The following CACNB2 variants were observed in gnomAD, a reference collection of about 807,000 sequenced individuals.
CACNB2 encodes voltage-dependent L-type calcium channel subunit beta-2.
A neutral mutation model predicts 73.3 loss-of-function variants in CACNB2; 42 were observed. The ratio of observed to expected loss-of-function variants is 0.57; its 90% CI spans 0.45 to 0.74. CACNB2 has a LOEUF of 0.74. Ranked by LOEUF, CACNB2 falls within the 30% of genes least tolerant of loss-of-function variation. The pLI is 0.00. For missense variants in CACNB2, 940 were observed against 853.0 expected (o/e 1.10, Z -1.27); for synonymous variants, 348 against 310.3 (o/e 1.12, Z -1.28).
At chr10:18,492,629 A>AG (rs1554830124) in intron 3 of CACNB2, among the ~76,000 whole-genome samples, 1 of 146,914 alleles carries the variant, frequency 6.8e-6, no homozygotes, top group African/African-American at 2.7e-5. Flanking sequence ...TCAAAAAAAA[A>AG]AAAAAAAAAG....
At chr10:18,422,794 G>A (rs2045397510) in intron 3 of CACNB2, among the ~76,000 whole-genome samples, 1 of 152,092 alleles carries the variant, frequency 6.6e-6, no homozygotes, top group African/African-American at 2.4e-5. Context: ...CACCTCCCAC[G>A]TTCAAGTGAT....
intron 2 of CACNB2, among the ~76,000 whole-genome samples, chr10:18,387,421 C>T (rs1318093022): frequency 1.3e-5 from 2 of 152,160 alleles, no homozygotes. Flanking sequence ...CTTCTTCCCT[C>T]ATGTCCACTG....
At chr10:18,276,378 G>A (rs1297976747) in intron 2 of CACNB2, among the ~76,000 whole-genome samples, 2 of 152,090 alleles carry the variant, frequency 1.3e-5, no homozygotes, top group Admixed American at 6.6e-5. Context: ...CTACATGGAC[G>A]GCACCCTCAC....
At chr10:18,182,485 A>G (rs1362407963) in intron 2 of CACNB2, among the ~76,000 whole-genome samples, 1 of 151,836 alleles carries the variant, frequency 6.6e-6, no homozygotes, top group Non-Finnish European at 1.5e-5. Flanking sequence ...GTAATAGAAA[A>G]TTTGAAAAAG....
intron 8 of CACNB2, 111 bp from the exon 9 acceptor site, chr10:18,518,799 T>C (rs2051533758): frequency 5.1e-6 from 5 of 986,984 alleles, no homozygotes; most frequent in Non-Finnish European, 8.0e-6. Flanking sequence ...TGCCACTCTT[T>C]CCAGATGCAA....
chr10:18,400,930 GA>G, intron 2 of CACNB2: 2 of 1,587,340 alleles, frequency 1.3e-6, no homozygotes, highest in Non-Finnish European at 1.7e-6. Flanking sequence ...GGCTTGCCCA[GA>G]GCATGGATAG....
intron 2 of CACNB2, among the ~76,000 whole-genome samples, chr10:18,302,885 A>C (rs2039582896): frequency 6.6e-6 from 1 of 152,214 alleles, no homozygotes; most frequent in African/African-American, 2.4e-5. Context: ...TAAAATGCAA[A>C]TGACAGGTGT....
chr10:18,172,442 T>C (rs930253319), intron 2 of CACNB2, among the ~76,000 whole-genome samples: 1 of 152,214 alleles, frequency 6.6e-6, no homozygotes, highest in Non-Finnish European at 1.5e-5. Flanking sequence ...CTTCACTGTT[T>C]CCCTGAGATG....
chr10:18,389,667 G>C (rs377538796), intron 2 of CACNB2, among the ~76,000 whole-genome samples: 2 of 152,072 alleles, frequency 1.3e-5, no homozygotes, highest in African/African-American at 4.8e-5. Context: ...TAATAGCCTA[G>C]GTACATCTAA....
intron 2 of CACNB2, among the ~76,000 whole-genome samples, chr10:18,233,104 A>G (rs2036286569): frequency 6.6e-6 from 1 of 152,224 alleles, no homozygotes. Context: ...AATAGTTTAG[A>G]GAGCTTGAGA....
chr10:18,179,004 C>G lies in CACNB2; in HGVS notation c.213+28029C>G, dbSNP rs190953459. 9.2e-5 allele frequency among the ~76,000 whole-genome samples: 14 copies of G among 152,256 alleles called. No homozygotes were observed. In the East Asian group the frequency reaches 2.7e-3, roughly 29 times the overall value. On this transcript the variant is annotated intron_variant, in intron 2 of 13. Coordinates refer to ENST00000324631, the MANE Select transcript of CACNB2 (RefSeq NM_201596.3). ...GACTCTTTTTTTAAAGAGGCAGAAA[C>G]CTTCCAGCAGGTCTGTGCTCTGGGT...
intron 2 of CACNB2, among the ~76,000 whole-genome samples, chr10:18,356,627 T>C (rs1200606017): frequency 6.6e-6 from 1 of 151,656 alleles, no homozygotes; most frequent in African/African-American, 2.4e-5. Context: ...CTCTCGTCTC[T>C]TTTTCTCCTT....
chr10:18,453,019 C>A (rs938833782), intron 3 of CACNB2, among the ~76,000 whole-genome samples: 1 of 152,200 alleles, frequency 6.6e-6, no homozygotes, highest in Non-Finnish European at 1.5e-5. Flanking sequence ...CCGAAAGCAT[C>A]CTCGATTCCT....
intron 3 of CACNB2, among the ~76,000 whole-genome samples, chr10:18,481,035 C>T (rs1309291112): frequency 6.6e-6 from 1 of 151,290 alleles, no homozygotes; most frequent in Admixed American, 6.6e-5. Flanking sequence ...GTGGCAATTC[C>T]TCTGCATAAG....
chr10:18,341,461 G>A (rs2041229402), intron 2 of CACNB2, among the ~76,000 whole-genome samples: 1 of 152,142 alleles, frequency 6.6e-6, no homozygotes, highest in African/African-American at 2.4e-5. Flanking sequence ...ACAGTCTAAA[G>A]TTTAAAATAC....
At chr10:18,519,451 G>C (rs760038601) in intron 9 of CACNB2, among the ~76,000 whole-genome samples, 2 of 152,156 alleles carry the variant, frequency 1.3e-5, no homozygotes, top group Non-Finnish European at 2.9e-5. Context: ...CCCCGCCTGT[G>C]GAGTTGCATG....
intron 3 of CACNB2, among the ~76,000 whole-genome samples, chr10:18,450,829 G>A (rs1564564251): frequency 6.6e-6 from 1 of 151,952 alleles, no homozygotes; most frequent in Non-Finnish European, 1.5e-5. Context: ...GTAGAGACGG[G>A]TTTCACCATG....
intron 2 of CACNB2, among the ~76,000 whole-genome samples, chr10:18,258,455 C>T (rs770309238): frequency 1.3e-5 from 2 of 152,064 alleles, no homozygotes; most frequent in Admixed American, 1.3e-4. Flanking sequence ...AGGCCGGGCA[C>T]GGTGGCTCAC....
intron 2 of CACNB2, among the ~76,000 whole-genome samples, chr10:18,319,022 T>C (rs1372349968): frequency 6.6e-6 from 1 of 152,162 alleles, no homozygotes; most frequent in Non-Finnish European, 1.5e-5. Flanking sequence ...GTTCAACCAT[T>C]GTGGAAGACG....
Sources: allele counts gnomAD v4.1 joint callset (sites outside exome capture counted in the v4.1 genomes callset), GRCh38; gene constraint gnomAD v4.1.1; transcripts MANE v1.5; gene names NCBI Gene and HGNC (gene_info 2026-07-23, HGNC 2026-07-21).